ST6GALNAC5: variants seen among roughly 807,000 people sequenced by gnomAD.
ST6GALNAC5 encodes ST6 N-acetylgalactosaminide alpha-2,6-sialyltransferase 5.
Under a neutral mutation model 33.6 loss-of-function variants are expected in ST6GALNAC5, and 27 were observed. The ratio of observed to expected loss-of-function variants is 0.80; its 90% CI spans 0.59 to 1.11. The LOEUF is 1.11. ST6GALNAC5 is among the 50% of genes least tolerant of loss of function. The pLI is 0.00. For missense variants in ST6GALNAC5, 428 were observed against 454.0 expected (o/e 0.94, Z 0.52); for synonymous variants, 194 against 171.2 (o/e 1.13, Z -1.04).
chr1:76,957,936 G>A (rs558285876), intron 2 of ST6GALNAC5, among the ~76,000 whole-genome samples: 24 of 151,840 alleles, frequency 1.6e-4, no homozygotes, highest in East Asian at 5.8e-4. Context: ...AGGATACCTC[G>A]CTTTTTTTAA....
chr1:76,978,531 G>C (rs1165227012), intron 2 of ST6GALNAC5, among the ~76,000 whole-genome samples: 1 of 152,120 alleles, frequency 6.6e-6, no homozygotes, highest in East Asian at 1.9e-4. Flanking sequence ...AAAACTCTAT[G>C]ATCATTTTAA....
chr1:76,969,592 G>A lies in ST6GALNAC5; in HGVS notation c.262-74612G>A, dbSNP rs971490146. On this transcript the variant is annotated intron_variant, in intron 2 of 4. Coordinates refer to ENST00000477717, the MANE Select transcript of ST6GALNAC5 (RefSeq NM_030965.3). ...CTGCCTCTGTAGACTCCACCTATGGGGGCAGGGCATAGCTGAACAAAAGGC... is the reference window on the plus strand; with the variant it reads ...CTGCCTCTGTAGACTCCACCTATGGAGGCAGGGCATAGCTGAACAAAAGGC... 2.6e-5 allele frequency among the ~76,000 whole-genome samples: 4 copies of A among 152,304 alleles called. No individual in the cohort carries two copies. The East Asian group carries it at 5.8e-4, about 22-fold the overall frequency.
chr1:76,893,605 A>C (rs1342977808), intron 2 of ST6GALNAC5, among the ~76,000 whole-genome samples: 1 of 152,212 alleles, frequency 6.6e-6, no homozygotes, highest in Non-Finnish European at 1.5e-5. Context: ...GGAAGGACTC[A>C]GGAAATATTA....
intron 2 of ST6GALNAC5, among the ~76,000 whole-genome samples, chr1:76,888,826 T>C (rs1289094220): frequency 6.6e-6 from 1 of 152,184 alleles, no homozygotes; most frequent in African/African-American, 2.4e-5. Flanking sequence ...GTGTACAGCA[T>C]GATGTTTTGG....
intron 2 of ST6GALNAC5, among the ~76,000 whole-genome samples, chr1:77,023,612 C>T (rs751857677): frequency 3.9e-5 from 6 of 152,178 alleles, no homozygotes; most frequent in East Asian, 1.9e-4. Context: ...GGTGAAATCT[C>T]GGACAGCTCA....
chr1:77,020,474 C>T (rs1651011882), intron 2 of ST6GALNAC5, among the ~76,000 whole-genome samples: 1 of 152,190 alleles, frequency 6.6e-6, no homozygotes, highest in Non-Finnish European at 1.5e-5. Flanking sequence ...AGTCTCAGCT[C>T]ACTGCAACCT....
At chr1:76,948,625 G>GAGAA (rs1480547641) in intron 2 of ST6GALNAC5, among the ~76,000 whole-genome samples, 1 of 144,764 alleles carries the variant, frequency 6.9e-6, no homozygotes, top group African/African-American at 2.6e-5. Context: ...GAGAGAGAGA[G>GAGAA]AACTACTGAA....
intron 2 of ST6GALNAC5, among the ~76,000 whole-genome samples, chr1:76,909,225 CA>C (rs1646889793): frequency 6.6e-6 from 1 of 152,106 alleles, no homozygotes. Context: ...GTATCTAGTG[CA>C]GTGTTGGAAG....
chr1:77,036,372 A>T (rs1651646336), intron 2 of ST6GALNAC5, among the ~76,000 whole-genome samples: 1 of 152,232 alleles, frequency 6.6e-6, no homozygotes, highest in South Asian at 2.1e-4. Context: ...TATACAAAAA[A>T]ATTATTTTTA....
chr1:76,964,084 C>T (rs1648354754), intron 2 of ST6GALNAC5, among the ~76,000 whole-genome samples: 1 of 152,158 alleles, frequency 6.6e-6, no homozygotes, highest in Non-Finnish European at 1.5e-5. Context: ...GGAACACAGC[C>T]CTGCCAACAC....
At chr1:76,932,382 G>A (rs3113985) in intron 2 of ST6GALNAC5, among the ~76,000 whole-genome samples, 89,615 of 151,970 alleles carry the variant, frequency 0.59, 26,735 homozygotes, top group African/African-American at 0.64. Flanking sequence ...AAGTAGATGC[G>A]TCACAGGTGT....
chr1:77,019,684 G>C (rs1570103846), intron 2 of ST6GALNAC5, among the ~76,000 whole-genome samples: 1 of 152,318 alleles, frequency 6.6e-6, no homozygotes, highest in South Asian at 2.1e-4. Context: ...AGTAGCAGAA[G>C]GGTTTCTGCA....
chr1:76,889,606 C>G (rs1205633967), intron 2 of ST6GALNAC5, among the ~76,000 whole-genome samples: 1 of 152,094 alleles, frequency 6.6e-6, no homozygotes, highest in African/African-American at 2.4e-5. Context: ...AATGTCATTA[C>G]TTTTTAGATA....
intron 2 of ST6GALNAC5, among the ~76,000 whole-genome samples, chr1:77,016,858 T>G (rs1410284988): frequency 6.6e-6 from 1 of 152,204 alleles, no homozygotes; most frequent in Non-Finnish European, 1.5e-5. Flanking sequence ...CAATCTTCCC[T>G]TTTTAATTGG....
At chr1:76,904,696 A>T (rs1307664869) in intron 2 of ST6GALNAC5, among the ~76,000 whole-genome samples, 3 of 152,060 alleles carry the variant, frequency 2.0e-5, no homozygotes, top group Admixed American at 6.5e-5. Context: ...AGGATGGCAT[A>T]TGCCTGTAAT....
chr1:77,055,238 G>A (rs1652351516), intron 4 of ST6GALNAC5, among the ~76,000 whole-genome samples: 1 of 152,086 alleles, frequency 6.6e-6, no homozygotes. Context: ...CTTCTCTACT[G>A]ATGCATTTAT....
intron 2 of ST6GALNAC5, among the ~76,000 whole-genome samples, chr1:76,903,346 C>T (rs913196086): frequency 6.6e-6 from 1 of 152,150 alleles, no homozygotes; most frequent in African/African-American, 2.4e-5. Context: ...TAACTCTTCA[C>T]ACCCCGTAGG....
At chr1:76,896,922 G>A (rs1456404381) in intron 2 of ST6GALNAC5, among the ~76,000 whole-genome samples, 1 of 152,088 alleles carries the variant, frequency 6.6e-6, no homozygotes, top group Non-Finnish European at 1.5e-5. Context: ...AAGGCTACAG[G>A]GTGCAGTCCT....
intron 2 of ST6GALNAC5, among the ~76,000 whole-genome samples, chr1:77,043,590 A>G (rs1651904337): frequency 6.6e-6 from 1 of 152,200 alleles, no homozygotes; most frequent in African/African-American, 2.4e-5. Flanking sequence ...TATGGCCTCT[A>G]AGGGGTTACA....
Sources: allele counts gnomAD v4.1 joint callset (sites outside exome capture counted in the v4.1 genomes callset), GRCh38; gene constraint gnomAD v4.1.1; transcripts MANE v1.5; gene names NCBI Gene and HGNC (gene_info 2026-07-23, HGNC 2026-07-21).